ATG3: variants seen among roughly 807,000 people sequenced by gnomAD.
ATG3 encodes the protein autophagy related 3, also known as ubiquitin-like-conjugating enzyme ATG3.
In ATG3, 25 loss-of-function variants were observed where a neutral mutation model predicts 50.7. The observed-to-expected ratio is 0.49, with a 90% CI of 0.36 to 0.69. The LOEUF is 0.69. Ranked by LOEUF, ATG3 falls within the 30% of genes least tolerant of loss-of-function variation. ATG3 has a pLI of 0.00. For synonymous variants in ATG3, 119 were observed against 125.5 expected (o/e 0.95, Z 0.34); for missense variants, 281 against 376.0 (o/e 0.75, Z 2.09).
chr3:112,538,389 C>CA, intron 7 of ATG3: 1 of 516,906 alleles, frequency 1.9e-6, no homozygotes, highest in East Asian at 3.4e-5. Flanking sequence ...TAAGGCTTGA[C>CA]ATAATAATAC....
At chr3:112,559,659 C>T (rs962609657) in intron 1 of ATG3, among the ~76,000 whole-genome samples, 3 of 152,168 alleles carry the variant, frequency 2.0e-5, no homozygotes, top group South Asian at 2.1e-4. Context: ...AAGTGCGAAG[C>T]GCGTTTCAGA....
chr3:112,538,640 T>G (rs533050399), intron 7 of ATG3, among the ~76,000 whole-genome samples: 1 of 152,344 alleles, frequency 6.6e-6, no homozygotes, highest in South Asian at 2.1e-4. Context: ...GTATCTTCTA[T>G]GCTGGTTCCT....
In ATG3 at chr3:112,537,901, TAAA is replaced by T; in HGVS notation, c.511-14_511-12del. ...TGTATCTAGGGTAGCCTGAAAATAA[TAAA>T]AGAGAAAAATTTACAACCATTAAAT... On this transcript the variant is annotated splice_polypyrimidine_tract_variant and intron_variant, in intron 8 of 11. Transcript: ENST00000283290. 3.8e-6 allele frequency: 6 copies of T among 1,583,862 alleles called. No individual in the cohort carries two copies. Among genetic ancestry groups the T allele is most frequent in the Non-Finnish European group, 4.3e-6 (5 of 1,167,906 alleles).
intron 5 of ATG3, among the ~76,000 whole-genome samples, chr3:112,547,003 T>C (rs1273120963): frequency 6.6e-6 from 1 of 152,240 alleles, no homozygotes; most frequent in East Asian, 1.9e-4. Context: ...AGGAAAGAGA[T>C]GGCAGTATCC....
At chr3:112,532,885 C>G in intron 11 of ATG3, 105 bp from the exon 12 acceptor site, 1 of 1,328,664 alleles carries the variant, frequency 7.5e-7, no homozygotes. Flanking sequence ...TCAAAAAAAC[C>G]CCACAAAATC....
chr3:112,537,761 G>T lies in ATG3; in HGVS notation c.640C>A (p.Arg214=), dbSNP rs776484326. 6.3e-7 allele frequency: 1 copy of T among 1,592,378 alleles called. No homozygotes were observed. The highest frequency in any genetic ancestry group is 8.5e-7 in the Non-Finnish European group (1 of 1,171,966). Residue 214 remains arginine (R), a synonymous_variant, in exon 9 of 12, where the codon CGA becomes AGA. Transcript: ENST00000283290. The stretch of plus-strand genomic sequence containing the variant: ...TCATCATAGCCAAACAACCATAATC[G>T]TGGAGTCTGGTAATATTTATCATAA... The part of the protein sequence containing the change: ...ITYDKYYQTP[R]LWLFGYDEQR...
chr3:112,541,649 C>G (rs1933231000), intron 7 of ATG3, among the ~76,000 whole-genome samples, 154 bp downstream of exon 7: 1 of 152,134 alleles, frequency 6.6e-6, no homozygotes. Flanking sequence ...AAGTTTTACA[C>G]TAATGAAATT....
In ATG3 at chr3:112,537,801, A is replaced by G. The variant is rs757536533; in HGVS notation, c.600T>C (p.Tyr200=). ...GEDAILQTRT[Y]DLYITYDKYY... ...ATTTATCATAAGTGATGTAAAGGTC[A>G]TAAGTTCTGGTTTGCAAAATAGCAT... Residue 200 remains tyrosine (Y), a synonymous_variant, in exon 9 of 12, where the codon TAT becomes TAC. Transcript: ENST00000283290. 12 of 1,612,550 alleles carry G rather than the reference A, an allele frequency of 7.4e-6. No individual in the cohort carries two copies. Among genetic ancestry groups the G allele is most frequent in the Middle Eastern group, 1.6e-4 (1 of 6,070 alleles).
At chr3:112,539,824 G>C (rs1216946622) in intron 7 of ATG3, among the ~76,000 whole-genome samples, 1 of 152,082 alleles carries the variant, frequency 6.6e-6, no homozygotes, top group Non-Finnish European at 1.5e-5. Flanking sequence ...TATCTAGGGG[G>C]AATATAATAA....
At chr3:112,534,363 G>A (rs1352970638) in intron 10 of ATG3, 26 bp from the exon 11 acceptor site, 5 of 1,274,944 alleles carry the variant, frequency 3.9e-6, no homozygotes, top group Non-Finnish European at 5.4e-6. Flanking sequence ...AAAAAAAATT[G>A]TTAATGTAGA....
intron 6 of ATG3, among the ~76,000 whole-genome samples, chr3:112,543,708 G>A (rs1260030347): frequency 1.3e-5 from 2 of 152,020 alleles, no homozygotes; most frequent in African/African-American, 2.4e-5. Flanking sequence ...ATGACATTTG[G>A]TACTAAATAC....
intron 5 of ATG3, 44 bp from the exon 6 acceptor site, chr3:112,544,150 A>G (rs372812664): frequency 1.4e-6 from 2 of 1,453,710 alleles, no homozygotes; most frequent in East Asian, 2.3e-5. Context: ...ATTAAACTGT[A>G]AACACCCTAT....
At chr3:112,537,991 A>C (rs2107369660) in intron 8 of ATG3, 101 bp from the exon 9 acceptor site, 2 of 1,304,366 alleles carry the variant, frequency 1.5e-6, no homozygotes. Flanking sequence ...TTTTCTTAAG[A>C]GTAAATGAAC....
intron 5 of ATG3, among the ~76,000 whole-genome samples, chr3:112,545,943 T>C (rs747260612): frequency 4.6e-5 from 7 of 152,192 alleles, no homozygotes; most frequent in Non-Finnish European, 4.4e-5. Context: ...CTCTACAAGA[T>C]AGGGGGATAT....
chr3:112,550,252 C>CAGG lies in ATG3; in HGVS notation c.174_175insCCT (p.Gly58_Glu59insPro), dbSNP rs1933493489. ...AGGTATGCCTTCACTTTCAATTCTT[C>CAGG]CCCTGTAGCCCTTTAAAAACAGTGA... is the stretch of plus-strand genomic sequence containing the variant. On this transcript the variant is annotated inframe_insertion, in exon 4 of 12. Coordinates refer to ENST00000283290, the MANE Select transcript of ATG3 (RefSeq NM_022488.5). The CAGG allele has an allele frequency of 6.2e-7, 1 of 1,611,304 alleles. No individual in the cohort carries two copies.
chr3:112,559,917 G>A (rs1344421378), intron 1 of ATG3, among the ~76,000 whole-genome samples: 1 of 152,188 alleles, frequency 6.6e-6, no homozygotes, highest in Non-Finnish European at 1.5e-5. Flanking sequence ...ATTTCCTGAG[G>A]ATTTTGTTCT....
At position 112,558,370 on chromosome 3, in the gene ATG3, A is replaced by C; in HGVS notation, c.114+6T>G. ...AAAAAGACTTCAGTATATCTTCAGC[A>C]CTCACCTCTTCTGGGGTAATTACAC... On this transcript the variant is annotated splice_donor_region_variant and intron_variant, in intron 2 of 11. Coordinates refer to ENST00000283290, the MANE Select transcript of ATG3 (RefSeq NM_022488.5). The C allele has an allele frequency of 6.4e-7, 1 of 1,572,844 alleles. No homozygotes were observed. Among genetic ancestry groups the C allele is most frequent in the Non-Finnish European group, 8.7e-7 (1 of 1,144,066 alleles).
Position 112,561,558 on chromosome 3 carries a change from G to T in ATG3, c.-30C>A. The T allele has an allele frequency of 6.2e-7, 1 of 1,601,844 alleles. No homozygotes were observed. The highest frequency in any genetic ancestry group is 1.1e-5 in the South Asian group (1 of 90,262). ...GGGCCGGAGTAGCGGCCGGCCCCGCGACGGGATGGAAAGTGCAGCCGTGTC... is the reference window on the plus strand; with the variant it reads ...GGGCCGGAGTAGCGGCCGGCCCCGCTACGGGATGGAAAGTGCAGCCGTGTC... On this transcript the variant is annotated 5_prime_UTR_variant, in exon 1 of 12. Coordinates refer to ENST00000283290, the MANE Select transcript of ATG3 (RefSeq NM_022488.5).
intron 4 of ATG3, among the ~76,000 whole-genome samples, chr3:112,549,321 A>G (rs933964512): frequency 1.5e-4 from 23 of 152,310 alleles, no homozygotes; most frequent in African/African-American, 5.5e-4. Flanking sequence ...TTTTAAAACA[A>G]TCAGGATATA....
Sources: allele counts gnomAD v4.1 joint callset (sites outside exome capture counted in the v4.1 genomes callset), GRCh38; gene constraint gnomAD v4.1.1; transcripts MANE v1.5; gene names NCBI Gene and HGNC (gene_info 2026-07-23, HGNC 2026-07-21).